TNNT2: variants seen among roughly 807,000 people sequenced by gnomAD.
The protein encoded by TNNT2 is troponin T2, cardiac type.
A neutral mutation model predicts 62.4 loss-of-function variants in TNNT2; 34 were observed. The observed-to-expected ratio is 0.54, with a 90% confidence interval of 0.41 to 0.72. The LOEUF is 0.72. TNNT2 is among the 30% of genes least tolerant of loss of function. TNNT2 has a pLI of 0.00. For missense variants in TNNT2, 275 were observed against 381.9 expected (o/e 0.72, Z 2.33); for synonymous variants, 123 against 127.2 (o/e 0.97, Z 0.22).
chr1:201,359,738 G>A, intron 15 of TNNT2, 75 bp from the exon 16 acceptor site: 2 of 1,302,318 alleles, frequency 1.5e-6, no homozygotes, highest in East Asian at 5.0e-5. Context: ...CTGGGGATGG[G>A]GAGAAGGGGG....
At position 201,359,147 on chromosome 1, in the gene TNNT2, G is replaced by T; in HGVS notation, c.*63C>A. The T allele has an allele frequency of 6.3e-7, 1 of 1,577,438 alleles. No individual in the cohort carries two copies. The highest frequency in any genetic ancestry group is 1.2e-5 in the South Asian group (1 of 86,154). The stretch of plus-strand genomic sequence containing the variant: ...GGTGCCCAGGAGGGCCCGGGAACTG[G>T]GGGAGTGCAGGCCGGAGGCAGGTGC... On this transcript the variant is annotated 3_prime_UTR_variant, in exon 17 of 17. Coordinates refer to ENST00000656932, the MANE Select transcript of TNNT2 (RefSeq NM_001276345.2).
intron 4 of TNNT2, among the ~76,000 whole-genome samples, chr1:201,370,367 C>T (rs1193993200): frequency 2.6e-5 from 4 of 152,166 alleles, no homozygotes; most frequent in African/African-American, 9.7e-5. Flanking sequence ...TAGAAAGCCT[C>T]ATTGGAGAGC....
intron 1 of TNNT2, chr1:201,374,796 G>A (rs995994382): frequency 3.3e-5 from 5 of 152,332 alleles, no homozygotes; most frequent in South Asian, 4.2e-4. Context: ...ACACAATCAC[G>A]TTGTTTGAAA....
At chr1:201,370,051 T>C (rs1660390721) in intron 4 of TNNT2, among the ~76,000 whole-genome samples, 2 of 151,724 alleles carry the variant, frequency 1.3e-5, no homozygotes, top group Admixed American at 1.3e-4. Flanking sequence ...AGGTGCCTCA[T>C]CAGTAAAATG....
chr1:201,361,838 A>G, intron 14 of TNNT2, 75 bp downstream of exon 14: 5 of 1,375,410 alleles, frequency 3.6e-6, no homozygotes, highest in Non-Finnish European at 5.2e-6. Flanking sequence ...GGCTCACAGC[A>G]AGAAGTGCCC....
intron 5 of TNNT2, chr1:201,369,319 G>A (rs747610415): frequency 1.7e-5 from 8 of 472,446 alleles, no homozygotes; most frequent in Non-Finnish European, 3.1e-5. Context: ...GCATCTGAAG[G>A]CTGACGTCAT....
At chr1:201,367,083 G>T (rs762399649) in intron 7 of TNNT2, 28 of 721,662 alleles carry the variant, frequency 3.9e-5, no homozygotes, top group South Asian at 9.8e-5. Context: ...ATAGAGTTCT[G>T]CAGGGCACAC....
intron 4 of TNNT2, 97 bp from the exon 5 acceptor site, chr1:201,369,942 G>A: frequency 2.1e-6 from 3 of 1,398,084 alleles, no homozygotes; most frequent in Non-Finnish European, 3.0e-6. Context: ...CAGCGCAGTG[G>A]TTTTAAGAGT....
At position 201,377,629 on chromosome 1, in the gene TNNT2, AC is replaced by A. The variant is rs1661588061; in HGVS notation, c.-22del. The A allele has an allele frequency of 2.2e-6, 1 of 456,280 alleles. No homozygotes were observed. The highest frequency in any genetic ancestry group is 4.4e-6 in the Non-Finnish European group (1 of 226,950). 28.3% of individuals were successfully genotyped at this position (456,280 alleles called of 1,614,324 possible). A position where few individuals can be genotyped will look rare whatever the true frequency, so the allele number is the denominator to read the frequency against. On this transcript the variant is annotated 5_prime_UTR_variant, in exon 1 of 17. Transcript: ENST00000656932. ...AGCCCTGCCCGAGCCTTACCTCAGA[AC>A]AGCAGCTGCCGACAGATCCTGGAGG...
At chr1:201,364,477 G>A (rs1290093767) in intron 10 of TNNT2, 102 bp from the exon 11 acceptor site, 1 of 1,248,420 alleles carries the variant, frequency 8.0e-7, no homozygotes, top group Non-Finnish European at 1.1e-6. Flanking sequence ...CTGGGGGAGG[G>A]TTCCTTCCAG....
Position 201,365,184 on chromosome 1 carries a change from C to T in TNNT2, c.411+7G>A. The stretch of plus-strand genomic sequence containing the variant: ...GAGAATGTTAGGTGGGCAGACTGGA[C>T]ACCTACGATCCTGTCTTTGAGAGAA... On this transcript the variant is annotated splice_region_variant and intron_variant, in intron 10 of 16. Coordinates refer to ENST00000656932, the MANE Select transcript of TNNT2 (RefSeq NM_001276345.2). The T allele has an allele frequency of 6.2e-7, 1 of 1,604,950 alleles. No individual in the cohort carries two copies. Among genetic ancestry groups the T allele is most frequent in the African/African-American group, 1.3e-5 (1 of 74,854 alleles).
chr1:201,365,070 TCA>T, intron 10 of TNNT2, 119 bp downstream of exon 10: 1 of 844,830 alleles, frequency 1.2e-6, no homozygotes, highest in Non-Finnish European at 2.1e-6. Context: ...GAAGGAGACC[TCA>T]CACCTAGCTG....
intron 6 of TNNT2, 151 bp from the exon 7 acceptor site, chr1:201,367,957 T>C (rs1389065909): frequency 6.6e-6 from 7 of 1,061,700 alleles, no homozygotes; most frequent in Admixed American, 1.7e-5. Flanking sequence ...CACACACACA[T>C]TCCCCTGGAC....
chr1:201,361,887 C>T (rs1285508647), intron 14 of TNNT2, 26 bp downstream of exon 14: 5 of 1,605,606 alleles, frequency 3.1e-6, no homozygotes, highest in Non-Finnish European at 4.3e-6. Flanking sequence ...GGGCAGTGCC[C>T]CAGGACCATT....
At chr1:201,365,162 A>C (rs1478671465) in intron 10 of TNNT2, 29 bp downstream of exon 10, 1 of 1,564,092 alleles carries the variant, frequency 6.4e-7, no homozygotes, top group East Asian at 2.2e-5. Context: ...GCCATCAGAG[A>C]ATGTTAGGTG....
chr1:201,370,245 A>T (rs1016135259), intron 4 of TNNT2, among the ~76,000 whole-genome samples: 1 of 152,094 alleles, frequency 6.6e-6, no homozygotes, highest in Non-Finnish European at 1.5e-5. Flanking sequence ...AGAGTGGGGG[A>T]CAATTCTCTT....
intron 1 of TNNT2, among the ~76,000 whole-genome samples, chr1:201,377,255 A>G (rs912563656): frequency 6.6e-6 from 1 of 152,160 alleles, no homozygotes; most frequent in Non-Finnish European, 1.5e-5. Flanking sequence ...TTAGAGCCTC[A>G]TTGTATTTAG....
chr1:201,369,744 G>A (rs1660326360), intron 5 of TNNT2, 72 bp downstream of exon 5: 5 of 1,599,588 alleles, frequency 3.1e-6, no homozygotes, highest in Non-Finnish European at 4.3e-6. Flanking sequence ...CCAGAACAGG[G>A]CCCCTGGACA....
At position 201,363,376 on chromosome 1, in the gene TNNT2, T is replaced by A. The variant is rs1269725109; in HGVS notation, c.520A>T (p.Asn174Tyr). ...EERARREEEENRRKAEDEARK... is the reference protein window; with the variant it reads ...EERARREEEEYRRKAEDEARK... ...GCCTCATCCTCAGCCTTCCTCCTGT[T>A]CTCCTCCTCCTCTCGTCGAGCCCTC... The change falls in exon 12 of 17, where the codon AAC (asparagine) becomes TAC (tyrosine). Residue 174 changes from asparagine (N) to tyrosine (Y), a missense_variant. By Grantham distance (143) the Asn-to-Tyr change is moderately radical (BLOSUM62 -2). Coordinates refer to ENST00000656932, the MANE Select transcript of TNNT2 (RefSeq NM_001276345.2). The A allele has an allele frequency of 6.2e-7, 1 of 1,613,948 alleles. No homozygotes were observed. Among genetic ancestry groups the A allele is most frequent in the Non-Finnish European group, 8.5e-7 (1 of 1,180,008 alleles).
Sources: gnomAD v4.1 joint callset for allele counts (sites outside exome capture counted in the v4.1 genomes callset) on GRCh38, gnomAD v4.1.1 for gene constraint, MANE v1.5 for transcripts, NCBI Gene and HGNC (gene_info 2026-07-23, HGNC 2026-07-21) for gene names.